The following MICU2 variants were observed in gnomAD, a reference collection of about 807,000 sequenced individuals.
MICU2 encodes calcium uptake protein 2, mitochondrial.
Under a neutral mutation model 60.4 loss-of-function variants are expected in MICU2, and 64 were observed. That is an observed-to-expected ratio of 1.06 (90% CI 0.87 to 1.31). The LOEUF (loss-of-function observed/expected upper bound fraction) is 1.31, where lower values mean the gene tolerates loss of function less well. Among genes scored for constraint, MICU2 ranks in the 50% most tolerant of loss-of-function variants. MICU2 has a pLI of 0.00. For missense variants in MICU2, 569 were observed against 531.0 expected (o/e 1.07, Z -0.70); for synonymous variants, 201 against 175.0 (o/e 1.15, Z -1.17).
At chr13:21,591,117 G>A (rs113012052) in intron 1 of MICU2, among the ~76,000 whole-genome samples, 8 of 151,944 alleles carry the variant, frequency 5.3e-5, no homozygotes, top group Middle Eastern at 3.4e-3. Flanking sequence ...AAGACTCATC[G>A]GTGTGTTGTA....
intron 8 of MICU2, among the ~76,000 whole-genome samples, chr13:21,507,021 G>C (rs888707321): frequency 6.6e-6 from 1 of 152,102 alleles, no homozygotes; most frequent in Non-Finnish European, 1.5e-5. Context: ...TTATGACTTA[G>C]CAAAATTTAA....
intron 2 of MICU2, among the ~76,000 whole-genome samples, chr13:21,554,556 A>G (rs914411130): frequency 6.6e-6 from 1 of 152,192 alleles, no homozygotes; most frequent in African/African-American, 2.4e-5. Context: ...AATTTATAGC[A>G]CAAAATGCCC....
chr13:21,512,873 T>C (rs1886467015), intron 7 of MICU2, among the ~76,000 whole-genome samples: 1 of 152,230 alleles, frequency 6.6e-6, no homozygotes, highest in South Asian at 2.1e-4. Context: ...CTCTTACATC[T>C]ACTTGAATTA....
chr13:21,512,150 C>T (rs985936453), intron 7 of MICU2, among the ~76,000 whole-genome samples: 2 of 152,128 alleles, frequency 1.3e-5, no homozygotes, highest in African/African-American at 4.8e-5. Context: ...TGTTTTTAGT[C>T]ATTTGGGTGG....
intron 4 of MICU2, among the ~76,000 whole-genome samples, chr13:21,538,079 TTTTTTCTCTA>T (rs1887177787): frequency 6.6e-6 from 1 of 152,120 alleles, no homozygotes; most frequent in Non-Finnish European, 1.5e-5. Flanking sequence ...TCTCTTGGCC[TTTTTTCTCTA>T]CCCTTAGCTA....
chr13:21,581,464 T>A (rs911962985), intron 1 of MICU2, among the ~76,000 whole-genome samples: 1 of 152,202 alleles, frequency 6.6e-6, no homozygotes, highest in Non-Finnish European at 1.5e-5. Context: ...CTTCTGGGGT[T>A]CATAACTCCC....
chr13:21,603,136 C>CGG (rs536432154), intron 1 of MICU2, among the ~76,000 whole-genome samples: 3 of 140,808 alleles, frequency 2.1e-5, no homozygotes, highest in African/African-American at 7.6e-5. Context: ...TAGTAGAGAC[C>CGG]GGGGGGGCGG....
chr13:21,499,967 C>G (rs771737862), intron 9 of MICU2, among the ~76,000 whole-genome samples: 24 of 152,136 alleles, frequency 1.6e-4, no homozygotes, highest in Non-Finnish European at 3.1e-4. Context: ...CACTGTTCCT[C>G]AGGAGCACAG....
At chr13:21,551,415 ACTT>A (rs1410037873) in intron 2 of MICU2, 6 of 152,202 alleles carry the variant, frequency 3.9e-5, no homozygotes, top group Admixed American at 2.0e-4. Context: ...AAGCACACAG[ACTT>A]CTTTTTAAAA....
chr13:21,581,065 G>A (rs1218445816), intron 1 of MICU2, among the ~76,000 whole-genome samples: 1 of 152,174 alleles, frequency 6.6e-6, no homozygotes, highest in Non-Finnish European at 1.5e-5. Flanking sequence ...CAGTAATATA[G>A]TGACATAATC....
intron 6 of MICU2, among the ~76,000 whole-genome samples, chr13:21,518,241 G>C (rs1330499639): frequency 3.9e-5 from 6 of 152,158 alleles, no homozygotes; most frequent in African/African-American, 1.4e-4. Flanking sequence ...AGGAGTAGAG[G>C]CTGTAGGTAC....
chr13:21,600,380 C>T (rs1312227604), intron 1 of MICU2, among the ~76,000 whole-genome samples: 2 of 152,214 alleles, frequency 1.3e-5, no homozygotes, highest in African/African-American at 4.8e-5. Context: ...TGTCAACCTA[C>T]ACATAATTCC....
intron 11 of MICU2, among the ~76,000 whole-genome samples, chr13:21,494,859 T>A (rs1885952866): frequency 6.6e-6 from 1 of 152,212 alleles, no homozygotes; most frequent in Non-Finnish European, 1.5e-5. Context: ...TAATTTCTTT[T>A]TTAAAAAATT....
At chr13:21,501,965 G>GA (rs1165733941) in intron 9 of MICU2, among the ~76,000 whole-genome samples, 2 of 152,160 alleles carry the variant, frequency 1.3e-5, no homozygotes, top group Non-Finnish European at 2.9e-5. Flanking sequence ...CAGACAGGGG[G>GA]ATTTCAGGGT....
At chr13:21,579,320 G>A (rs1396731961) in intron 1 of MICU2, among the ~76,000 whole-genome samples, 1 of 147,306 alleles carries the variant, frequency 6.8e-6, no homozygotes, top group Non-Finnish European at 1.5e-5. Context: ...GCAAATTAAT[G>A]TATTATTTAA....
intron 8 of MICU2, among the ~76,000 whole-genome samples, chr13:21,509,046 A>G (rs553696717): frequency 7.9e-5 from 12 of 152,372 alleles, no homozygotes. Context: ...AATCTTTATT[A>G]AACTAGATTC....
chr13:21,502,378 G>C (rs1886196342), intron 9 of MICU2, among the ~76,000 whole-genome samples: 1 of 152,010 alleles, frequency 6.6e-6, no homozygotes, highest in South Asian at 2.1e-4. Context: ...ATTATTAATA[G>C]CTTGGCAATC....
intron 9 of MICU2, among the ~76,000 whole-genome samples, chr13:21,501,036 G>A (rs1886139015): frequency 6.6e-6 from 1 of 152,012 alleles, no homozygotes; most frequent in Non-Finnish European, 1.5e-5. Context: ...AATGAATGGT[G>A]TAAAGATTTA....
chr13:21,499,196 C>A (rs1228585725), intron 9 of MICU2, among the ~76,000 whole-genome samples: 1 of 152,160 alleles, frequency 6.6e-6, no homozygotes, highest in Non-Finnish European at 1.5e-5. Context: ...GGTGATCCAC[C>A]TGCCTCGGCC....
Sources: gnomAD v4.1 joint callset for allele counts (sites outside exome capture counted in the v4.1 genomes callset) on GRCh38, gnomAD v4.1.1 for gene constraint, MANE v1.5 for transcripts, NCBI Gene and HGNC (gene_info 2026-07-23, HGNC 2026-07-21) for gene names.